Variants in PCNX2 observed in about 807,000 individuals in gnomAD.
The protein encoded by PCNX2 is pecanex 2.
A neutral mutation model predicts 223.8 loss-of-function variants in PCNX2; 168 were observed. The observed-to-expected ratio is 0.75, with a 90% confidence interval of 0.66 to 0.85. PCNX2 has a LOEUF of 0.85. PCNX2 is among the 40% of genes least tolerant of loss of function. The probability of loss-of-function intolerance (pLI) is 0.00; values close to 1 mark genes in which losing one functional copy is unlikely to be tolerated. For missense variants in PCNX2, 2,507 were observed against 2,675.5 expected (o/e 0.94, Z 1.39); for synonymous variants, 1,006 against 1,052.6 (o/e 0.96, Z 0.86).
chr1:233,139,636 C>A lies in PCNX2; in HGVS notation c.3659+78G>T. ...AGTCGGTAAAGGTTGGCTTCTTCTG[C>A]AGATTGTTTACAGAAAATTCACTCG... On this transcript the variant is annotated intron_variant, in intron 20 of 33. Coordinates refer to ENST00000258229, the MANE Select transcript of PCNX2 (RefSeq NM_014801.4). The surrounding 1 kb of genome is among the most constrained non-coding windows in gnomAD (Gnocchi z 4.4). The A allele has an allele frequency of 1.4e-6, 2 of 1,479,832 alleles. No homozygotes were observed. Among genetic ancestry groups the A allele is most frequent in the South Asian group, 2.6e-5 (2 of 76,764 alleles). 91.7% of individuals were successfully genotyped at this position (1,479,832 alleles called of 1,614,324 possible). A position where few individuals can be genotyped will look rare whatever the true frequency, so the allele number is the denominator to read the frequency against.
intron 1 of PCNX2, among the ~76,000 whole-genome samples, chr1:233,274,195 T>A (rs1335681258): frequency 6.6e-6 from 1 of 152,184 alleles, no homozygotes; most frequent in Non-Finnish European, 1.5e-5. Context: ...ATGGACTTCA[T>A]CCACTAATAT....
At chr1:233,319,965 A>G in the PCNX2 span, among the ~76,000 whole-genome samples, 1 of 152,170 alleles carries the variant, frequency 6.6e-6, no homozygotes, top group Non-Finnish European at 1.5e-5. Context: ...ATTGTTTCAT[A>G]TGTTTATAAA....
intron 8 of PCNX2, among the ~76,000 whole-genome samples, chr1:233,248,091 A>G (rs1659231444): frequency 6.6e-6 from 1 of 152,160 alleles, no homozygotes; most frequent in Admixed American, 6.5e-5. Flanking sequence ...AGGGCCATTC[A>G]ATAAAGATTT....
the PCNX2 span, among the ~76,000 whole-genome samples, chr1:233,303,986 G>A: frequency 1.3e-5 from 2 of 152,156 alleles, no homozygotes; most frequent in Non-Finnish European, 2.9e-5. Flanking sequence ...TAATGCAGTT[G>A]TAATAGTACT....
At chr1:233,204,805 G>A (rs1681350491) in intron 13 of PCNX2, among the ~76,000 whole-genome samples, 1 of 152,032 alleles carries the variant, frequency 6.6e-6, no homozygotes, top group South Asian at 2.1e-4. Context: ...CGGCTTGCTG[G>A]ATTATTTATC....
At chr1:233,153,574 G>C (rs910375189) in intron 19 of PCNX2, among the ~76,000 whole-genome samples, 12 of 152,120 alleles carry the variant, frequency 7.9e-5, no homozygotes, top group Non-Finnish European at 1.5e-4. Context: ...AGGAGAAGGA[G>C]GAAAGTGAAA....
chr1:233,241,653 C>T (rs1658773330), intron 8 of PCNX2, among the ~76,000 whole-genome samples: 1 of 152,156 alleles, frequency 6.6e-6, no homozygotes, highest in African/African-American at 2.4e-5. Context: ...GCAGCAAATA[C>T]CTATCTCTCT....
chr1:233,222,485 A>G (rs1402618232), intron 10 of PCNX2, among the ~76,000 whole-genome samples: 2 of 152,108 alleles, frequency 1.3e-5, no homozygotes, highest in Non-Finnish European at 2.9e-5. Flanking sequence ...TGAGCCCAGG[A>G]GTTTGTGACC....
chr1:233,030,445 TC>T (rs1276553739), intron 25 of PCNX2, among the ~76,000 whole-genome samples: 1 of 152,192 alleles, frequency 6.6e-6, no homozygotes, highest in Non-Finnish European at 1.5e-5. Flanking sequence ...GTCACTTTTT[TC>T]TGCTTCTCTG....
chr1:233,254,507 T>G (rs970162560), intron 5 of PCNX2, among the ~76,000 whole-genome samples: 20 of 152,158 alleles, frequency 1.3e-4, no homozygotes, highest in African/African-American at 4.6e-4. Context: ...TATGGACGGT[T>G]TTTTTCCTTT....
intron 8 of PCNX2, among the ~76,000 whole-genome samples, chr1:233,246,950 A>G (rs779555146): frequency 1.3e-5 from 2 of 152,224 alleles, no homozygotes; most frequent in Admixed American, 1.3e-4. Context: ...TCATCATTAC[A>G]TCATGGGCTT....
intron 10 of PCNX2, among the ~76,000 whole-genome samples, chr1:233,226,206 T>C (rs1441601254): frequency 6.6e-6 from 1 of 152,168 alleles, no homozygotes; most frequent in Non-Finnish European, 1.5e-5. Flanking sequence ...GTGCAAATTT[T>C]GAGGTAGGAA....
intron 7 of PCNX2, among the ~76,000 whole-genome samples, chr1:233,251,979 G>C (rs958345681): frequency 6.6e-6 from 1 of 152,262 alleles, no homozygotes; most frequent in African/African-American, 2.4e-5. Flanking sequence ...GTTGATAACT[G>C]TGAGGGGGAA....
At chr1:233,047,568 A>G (rs1445081134) in intron 25 of PCNX2, 1 of 185,554 alleles carries the variant, frequency 5.4e-6, no homozygotes, top group Non-Finnish European at 1.0e-5. Flanking sequence ...CTTATATCAG[A>G]TAAAACAGAC....
rs565539372 is a variant in PCNX2 at position 233,257,978 on chromosome 1, T to C, written c.1834+50A>G. On this transcript the variant is annotated intron_variant, in intron 5 of 33. Coordinates refer to ENST00000258229, the MANE Select transcript of PCNX2 (RefSeq NM_014801.4). The stretch of plus-strand genomic sequence containing the variant: ...TTACACAAGGCAAATGGCAAAAAGG[T>C]GTATTGCCTTCTATGTCATCATCAG... The C allele has an allele frequency of 1.5e-4, 226 of 1,557,922 alleles. 1 individual carries two copies. In the South Asian group the frequency reaches 2.6e-3, roughly 18 times the overall value.
chr1:233,183,922 T>A (rs1013527583), intron 15 of PCNX2, among the ~76,000 whole-genome samples: 25 of 152,222 alleles, frequency 1.6e-4, no homozygotes, highest in African/African-American at 6.0e-4. Flanking sequence ...GCAGGGCAGA[T>A]AGGGCTGGCT....
rs760632721 is a variant in PCNX2 at position 233,211,813 on chromosome 1, C to G, written c.2692-3124G>C. The G allele has an allele frequency of 5.7e-4, 565 of 985,214 alleles. 1 individual carries two copies. Among genetic ancestry groups the G allele is most frequent in the Non-Finnish European group, 6.6e-4 (551 of 829,862 alleles). 61.0% of individuals were successfully genotyped at this position (985,214 alleles called of 1,614,324 possible). A position where few individuals can be genotyped will look rare whatever the true frequency, so the allele number is the denominator to read the frequency against. ...CTTTAAACACAGAATGTGAACATTA[C>G]TCATGTGAAGCAAATTCGGAGAATG... On this transcript the variant is annotated intron_variant, in intron 12 of 33. Coordinates refer to ENST00000258229, the MANE Select transcript of PCNX2 (RefSeq NM_014801.4).
intron 32 of PCNX2, among the ~76,000 whole-genome samples, chr1:232,994,959 C>G (rs1669826957): frequency 6.6e-6 from 1 of 152,152 alleles, no homozygotes; most frequent in African/African-American, 2.4e-5. Context: ...CAGGTAGTAC[C>G]TTTGTAGCAG....
chr1:233,262,712 C>T (rs796485975), intron 2 of PCNX2, among the ~76,000 whole-genome samples: 11 of 152,156 alleles, frequency 7.2e-5, no homozygotes, highest in African/African-American at 2.4e-4. Flanking sequence ...AAGCCTAAGG[C>T]AAATGAATTC....
Sources: gnomAD v4.1 joint callset for allele counts (sites outside exome capture counted in the v4.1 genomes callset) on GRCh38, gnomAD v4.1.1 for gene constraint, Gnocchi (gnomAD v3.1) non-coding constraint, MANE v1.5 for transcripts, NCBI Gene and HGNC (gene_info 2026-07-23, HGNC 2026-07-21) for gene names.